UBQLN4: variants seen among roughly 807,000 people sequenced by gnomAD.
UBQLN4 encodes the protein ubiquilin-4.
UBQLN4 carries 11 observed loss-of-function variants against 60.4 expected under a neutral mutation model. The observed-to-expected ratio is 0.18, with a 90% CI of 0.11 to 0.30. The LOEUF (loss-of-function observed/expected upper bound fraction) is 0.30, where lower values mean the gene tolerates loss of function less well. UBQLN4 is among the 10% of genes least tolerant of loss of function. The probability of loss-of-function intolerance (pLI) is 1.00; values close to 1 mark genes in which losing one functional copy is unlikely to be tolerated. For synonymous variants in UBQLN4, 258 were observed against 313.1 expected, an observed-to-expected ratio of 0.82 and a Z score of 1.86; for missense variants, 417 against 795.5, an observed-to-expected ratio of 0.52 and a Z score of 5.72.
downstream of UBQLN4, among the ~76,000 whole-genome samples, chr1:156,032,180 T>G (rs771049730): frequency 1.6e-4 from 24 of 151,762 alleles, no homozygotes; most frequent in Non-Finnish European, 3.1e-4. Flanking sequence ...TTTTTGTATT[T>G]TTAGTAGAGA....
At position 156,051,990 on chromosome 1, in the gene UBQLN4, G is replaced by A. The variant is rs146726367; in HGVS notation, c.109-133C>T. 473 of 1,080,524 alleles carry A rather than the reference G, an allele frequency of 4.4e-4. 2 individuals are homozygous for A. In the African/African-American group the frequency reaches 6.5e-3, roughly 15 times the overall value. The allele number at this position is 1,080,524 out of a possible 1,614,324, so 66.9% of individuals were successfully genotyped here. On this transcript the variant is annotated intron_variant, in intron 1 of 10. Transcript: ENST00000368309. The stretch of plus-strand genomic sequence containing the variant: ...CATGGGAAGTCCTTTCTGTAGTCTC[G>A]ACGCCATTCCTCCAGCTGCAATAAG...
At chr1:156,051,409 G>A in intron 2 of UBQLN4, 82 bp from the exon 3 acceptor site, 1 of 1,498,658 alleles carries the variant, frequency 6.7e-7, no homozygotes, top group Non-Finnish European at 9.1e-7. Context: ...GCTTGCTATG[G>A]GACAACTATT....
At chr1:156,042,529 A>C in intron 7 of UBQLN4, 1 of 1,139,992 alleles carries the variant, frequency 8.8e-7, no homozygotes, top group Non-Finnish European at 1.2e-6. Context: ...TGTTCTAAGC[A>C]CTTAACGTGT....
At position 156,051,298 on chromosome 1, in the gene UBQLN4, G is replaced by A; in HGVS notation, c.290C>T (p.Ser97Phe). The change falls in exon 3 of 11, where the codon TCT becomes TTT. Residue 97 changes from serine to phenylalanine, a missense_variant. By Grantham distance (155) the Ser-to-Phe change is radical. Transcript: ENST00000368309. ...KAQDPAAATA[S>F]SPSTPDPASA... is the part of the protein sequence containing the mutation. ...GGCAGGGTCAGGTGTGGAGGGGGAA[G>A]AAGCAGTGGCAGCAGCTGGATCTTG... is the stretch of plus-strand genomic sequence containing the variant. 1.9e-6 allele frequency: 3 copies of A among 1,559,284 alleles called. No individual in the cohort carries two copies. The highest frequency in any genetic ancestry group is 3.3e-4 in the Middle Eastern group (2 of 6,000).
At chr1:156,043,965 A>AC (rs1406568671) in intron 6 of UBQLN4, 33 bp downstream of exon 6, 8 of 1,606,984 alleles carry the variant, frequency 5.0e-6, no homozygotes. Context: ...TGCCCTGGTG[A>AC]CCCCACTAAG....
chr1:156,033,864 A>T (rs11582305), downstream of UBQLN4, among the ~76,000 whole-genome samples: 73,858 of 151,088 alleles, frequency 0.49, 20,326 homozygotes, highest in Non-Finnish European at 0.62. Context: ...AACCAAAAAA[A>T]AAAAAACAAA....
Position 156,044,398 on chromosome 1 carries a change from C to T in UBQLN4, c.901-175G>A, listed in dbSNP as rs1210319971. The stretch of plus-strand genomic sequence containing the variant: ...CCCACAATGGATAGCTCCTTCCTTG[C>T]TCCATAGGGTGGGAGCTAGCTGATG... On this transcript the variant is annotated intron_variant, in intron 5 of 10. Coordinates refer to ENST00000368309, the MANE Select transcript of UBQLN4 (RefSeq NM_020131.5). 2.6e-5 allele frequency among the ~76,000 whole-genome samples: 4 copies of T among 152,158 alleles called. No individual in the cohort carries two copies. In the East Asian group the frequency reaches 7.7e-4, roughly 29 times the overall value.
chr1:156,031,267 T>G (rs1683291965), downstream of UBQLN4, among the ~76,000 whole-genome samples: 1 of 152,222 alleles, frequency 6.6e-6, no homozygotes, highest in Non-Finnish European at 1.5e-5. Context: ...AGCTAACATT[T>G]ATTGAGTACT....
At chr1:156,051,563 C>T (rs1030334845) in intron 2 of UBQLN4, 143 bp downstream of exon 2, 10 of 1,285,574 alleles carry the variant, frequency 7.8e-6, no homozygotes, top group Non-Finnish European at 1.1e-5. Context: ...GTTCCCTTCC[C>T]CTAGAGATGA....
In UBQLN4 at chr1:156,041,962, A is replaced by G. The variant is rs200607865; in HGVS notation, c.1376T>C (p.Ile459Thr). 1 of 1,614,056 alleles carries G rather than the reference A, an allele frequency of 6.2e-7. No individual in the cohort carries two copies. Among genetic ancestry groups the G allele is most frequent in the East Asian group, 2.2e-5 (1 of 44,874 alleles). The change falls in exon 9 of 11, where the codon ATC (isoleucine) becomes ACC (threonine). Residue 459 changes from isoleucine (I) to threonine (T), a missense_variant. Physicochemically the swap from Ile to Thr is moderately conservative, Grantham distance 89. Coordinates refer to ENST00000368309, the MANE Select transcript of UBQLN4 (RefSeq NM_020131.5). Reference protein sequence around the residue: ...QQMQNPESLSILTNPRAMQAL... With the variant: ...QQMQNPESLSTLTNPRAMQAL... ...CTGCATGGCTCGGGGATTGGTAAGG[A>G]TGGAGAGTGACTCTGGGTTCTGCAT...
In UBQLN4 at chr1:156,050,204, A is replaced by G; in HGVS notation, c.741+87T>C. ...AAAACTGCTGAATACACGAATGAACAAATCAATGTAGGACAAAGTAGGAAA... is the reference window on the plus strand; with the variant it reads ...AAAACTGCTGAATACACGAATGAACGAATCAATGTAGGACAAAGTAGGAAA... On this transcript the variant is annotated intron_variant, in intron 4 of 10. Coordinates refer to ENST00000368309, the MANE Select transcript of UBQLN4 (RefSeq NM_020131.5). The surrounding 1 kb of genome is among the most constrained non-coding windows in gnomAD (Gnocchi z 4.6). 1.4e-6 allele frequency: 2 copies of G among 1,473,446 alleles called. No individual in the cohort carries two copies. The highest frequency in any genetic ancestry group is 1.8e-6 in the Non-Finnish European group (2 of 1,107,586). 91.3% of individuals were successfully genotyped at this position (1,473,446 alleles called of 1,614,324 possible).
At chr1:156,037,200 C>T in intron 10 of UBQLN4, 70 bp from the exon 11 acceptor site, 1 of 1,559,944 alleles carries the variant, frequency 6.4e-7, no homozygotes, top group South Asian at 1.2e-5. Context: ...TTAAGGGTTT[C>T]TAAGACCAGC....
At position 156,041,655 on chromosome 1, in the gene UBQLN4, T is replaced by C. The variant is rs758756204; in HGVS notation, c.1483A>G (p.Ile495Val). 11 of 1,561,074 alleles carry C rather than the reference T, an allele frequency of 7.0e-6. No homozygotes were observed. The African/African-American group carries it at 9.6e-5, about 14-fold the overall frequency. Residue 495 changes from isoleucine to valine, a missense_variant, in exon 10 of 11, where the codon ATA (isoleucine) becomes GTA (valine). Physicochemically the swap from Ile to Val is conservative, Grantham distance 29 (BLOSUM62 3). Coordinates refer to ENST00000368309, the MANE Select transcript of UBQLN4 (RefSeq NM_020131.5). ...GCTGAGGGTGCTGGGGTCCGGGATA[T>C]CCCAAAGGAGCCAAGGCTGTAGGCA... ...GLVPSLGSFG[I>V]SRTPAPSAGS...
chr1:156,048,524 T>C lies in UBQLN4; in HGVS notation c.877A>G (p.Met293Val). The C allele has an allele frequency of 6.2e-7, 1 of 1,612,170 alleles. No individual in the cohort carries two copies. The stretch of plus-strand genomic sequence containing the variant: ...ACCTGTTCCCGGGCAGCACTGAACA[T>C]GGGCTCCTGGATGTCCGTGTACATG... ...RRMYTDIQEPMFSAAREQFGN... is the reference protein window; with the variant it reads ...RRMYTDIQEPVFSAAREQFGN... Residue 293 changes from methionine to valine, a missense_variant, in exon 5 of 11, where the codon ATG becomes GTG. Coordinates refer to ENST00000368309, the MANE Select transcript of UBQLN4 (RefSeq NM_020131.5). This position sits in a 1 kb window ranked among gnomAD's most constrained non-coding sequence, Gnocchi z 4.9.
At chr1:156,052,628 C>T (rs1558091935) in intron 1 of UBQLN4, among the ~76,000 whole-genome samples, 2 of 152,128 alleles carry the variant, frequency 1.3e-5, no homozygotes, top group Non-Finnish European at 2.9e-5. Flanking sequence ...CCAGCCGTAT[C>T]TCCATTTTAA....
downstream of UBQLN4, among the ~76,000 whole-genome samples, chr1:156,033,857 C>CG (rs1683337224): frequency 2.2e-5 from 3 of 139,072 alleles, no homozygotes; most frequent in East Asian, 6.7e-4. Context: ...AAAAAAAAAC[C>CG]AAAAAAAAAA....
Position 156,041,630 on chromosome 1 carries a change from G to C in UBQLN4, c.1508C>G (p.Ala503Gly). The C allele has an allele frequency of 2.5e-6, 4 of 1,598,408 alleles. 1 individual carries two copies. The South Asian group carries it at 4.5e-5, about 18-fold the overall frequency. Residue 503 changes from alanine (A) to glycine (G), a missense_variant, in exon 10 of 11, where the codon GCA becomes GGA. By Grantham distance (60) the Ala-to-Gly change is moderately conservative. Coordinates refer to ENST00000368309, the MANE Select transcript of UBQLN4 (RefSeq NM_020131.5). ...FGISRTPAPS[A>G]GSNAGSTPEA... ...GGGCGTAGACCCTGCGTTGCTGCCT[G>C]CTGAGGGTGCTGGGGTCCGGGATAT...
chr1:156,050,161 C>T lies in UBQLN4; in HGVS notation c.741+130G>A. ...GAAAAGCTAGGCCTGTCTTTTCATC[C>T]CTGTACCTCCAGTGTTCAAAACTGC... On this transcript the variant is annotated intron_variant, in intron 4 of 10. Transcript: ENST00000368309. This position sits in a 1 kb window ranked among gnomAD's most constrained non-coding sequence, Gnocchi z 4.6. 1 of 1,274,484 alleles carries T rather than the reference C, an allele frequency of 7.8e-7. No homozygotes were observed. The highest frequency in any genetic ancestry group is 1.0e-6 in the Non-Finnish European group (1 of 956,192). 78.9% of individuals were successfully genotyped at this position (1,274,484 alleles called of 1,614,324 possible). A position where few individuals can be genotyped will look rare whatever the true frequency, so the allele number is the denominator to read the frequency against.
Position 156,048,395 on chromosome 1 carries a change from A to T in UBQLN4, c.900+106T>A. 1 of 1,374,266 alleles carries T rather than the reference A, an allele frequency of 7.3e-7. No individual in the cohort carries two copies. The highest frequency in any genetic ancestry group is 9.8e-7 in the Non-Finnish European group (1 of 1,017,204). 85.1% of individuals were successfully genotyped at this position (1,374,266 alleles called of 1,614,324 possible). ...GCCTTCAAGCCAAGGCCCACCCCTC[A>T]GGGGACTGGGGAAAGAAAGAAGAGC... On this transcript the variant is annotated intron_variant, in intron 5 of 10. Transcript: ENST00000368309. The surrounding 1 kb of genome is among the most constrained non-coding windows in gnomAD (Gnocchi z 4.9).
Sources: allele counts gnomAD v4.1 joint callset (sites outside exome capture counted in the v4.1 genomes callset), GRCh38; gene constraint gnomAD v4.1.1; non-coding constraint Gnocchi (gnomAD v3.1); transcripts MANE v1.5; gene names NCBI Gene and HGNC (gene_info 2026-07-23, HGNC 2026-07-21).